Variants in ITGA8 observed in about 807,000 individuals in gnomAD.
The protein encoded by ITGA8 is integrin subunit alpha 8.
A neutral mutation model predicts 142.3 loss-of-function variants in ITGA8; 91 were observed. That is an observed-to-expected ratio of 0.64 (90% CI 0.54 to 0.76). The LOEUF is 0.76. Among genes scored for constraint, ITGA8 ranks in the 30% least tolerant of loss-of-function variants. ITGA8 has a pLI of 0.00. For missense variants in ITGA8, 1,406 were observed against 1,327.7 expected, an observed-to-expected ratio of 1.06 and a Z score of -0.92; for synonymous variants, 505 against 485.2, an observed-to-expected ratio of 1.04 and a Z score of -0.54.
intron 2 of ITGA8, among the ~76,000 whole-genome samples, chr10:15,709,518 A>ATGCTG: frequency 6.6e-6 from 1 of 152,368 alleles, no homozygotes; most frequent in African/African-American, 2.4e-5. Flanking sequence ...AATTCATGCT[A>ATGCTG]TGATGTTTGA....
intron 3 of ITGA8, 139 bp from the exon 4 acceptor site, chr10:15,684,266 G>T: frequency 1.3e-6 from 1 of 751,322 alleles, no homozygotes; most frequent in Non-Finnish European, 2.1e-6. Context: ...GAGTGCCTTG[G>T]TCATCAGAGG....
rs117175445 is a variant in ITGA8, at chr10:15,713,069, G to C, written c.343+5697C>G. On this transcript the variant is annotated intron_variant, in intron 2 of 29. Transcript: ENST00000378076. ...CTTCCTTTTTCTAATTGCTTCCTCA[G>C]TTGCTATGGGCTGTAGGGACCGCTG... Among the ~76,000 whole-genome samples the C allele has an allele frequency of 5.2e-3, 798 of 152,286 alleles. 3 individuals are homozygous for C. Among genetic ancestry groups the C allele is most frequent in the South Asian group, 7.7e-3 (37 of 4,822 alleles).
chr10:15,530,963 C>T (rs1213596303), intron 28 of ITGA8, 87 bp downstream of exon 28: 6 of 819,220 alleles, frequency 7.3e-6, no homozygotes, highest in African/African-American at 3.6e-5. Flanking sequence ...TCAATGTAAA[C>T]ACTAAAGCCT....
intron 23 of ITGA8, among the ~76,000 whole-genome samples, chr10:15,585,921 C>A (rs531316026): frequency 6.6e-6 from 1 of 152,078 alleles, no homozygotes; most frequent in South Asian, 2.1e-4. Flanking sequence ...AAAGTCATTA[C>A]GCTAAAATAA....
chr10:15,526,653 T>C lies in ITGA8; in HGVS notation c.2982+4397A>G, dbSNP rs1389673631. ...ATTTAGGGAGAACAATTCAATCTTG[T>C]GCCAGCTAGTCAATAAACTATTTTA... On this transcript the variant is annotated intron_variant, in intron 28 of 29. Transcript: ENST00000378076. 2.0e-5 allele frequency among the ~76,000 whole-genome samples: 3 copies of C among 152,342 alleles called. 1 individual carries two copies. The South Asian group carries it at 6.2e-4, about 32-fold the overall frequency.
intron 27 of ITGA8, among the ~76,000 whole-genome samples, chr10:15,541,397 C>A (rs528506558): frequency 3.3e-5 from 5 of 152,252 alleles, no homozygotes; most frequent in African/African-American, 9.6e-5. Flanking sequence ...TCCAGAGACC[C>A]CAGAGAAAGG....
intron 11 of ITGA8, among the ~76,000 whole-genome samples, chr10:15,652,950 G>A (rs1023209944): frequency 5.3e-5 from 8 of 152,302 alleles, no homozygotes; most frequent in Non-Finnish European, 1.2e-4. Flanking sequence ...GAATCCCCAT[G>A]GCTCACAGGA....
chr10:15,655,302 T>G, intron 11 of ITGA8, 52 bp downstream of exon 11: 1 of 1,165,792 alleles, frequency 8.6e-7, no homozygotes, highest in Non-Finnish European at 1.3e-6. Context: ...AAACATAACA[T>G]CTTTATGGAT....
At chr10:15,567,727 G>A (rs1231204022) in intron 25 of ITGA8, among the ~76,000 whole-genome samples, 1 of 152,144 alleles carries the variant, frequency 6.6e-6, no homozygotes, top group Admixed American at 6.5e-5. Flanking sequence ...GCTGACCTCA[G>A]TTGGGCCCTG....
intron 11 of ITGA8, among the ~76,000 whole-genome samples, chr10:15,650,853 G>A (rs978065133): frequency 3.3e-5 from 5 of 152,098 alleles, no homozygotes; most frequent in Non-Finnish European, 7.4e-5. Flanking sequence ...ATAGGCAAGA[G>A]CTAACATCAC....
At chr10:15,667,969 G>A (rs1834429168) in intron 8 of ITGA8, among the ~76,000 whole-genome samples, 1 of 152,104 alleles carries the variant, frequency 6.6e-6, no homozygotes, top group South Asian at 2.1e-4. Context: ...TAGGTGTGGT[G>A]TGGTGCTGAA....
At chr10:15,558,433 C>T (rs995513712) in intron 25 of ITGA8, among the ~76,000 whole-genome samples, 1 of 152,156 alleles carries the variant, frequency 6.6e-6, no homozygotes, top group Admixed American at 6.5e-5. Flanking sequence ...GGAATGCATT[C>T]CTGGGAAGTT....
intron 6 of ITGA8, among the ~76,000 whole-genome samples, chr10:15,675,574 C>A (rs936113347): frequency 6.6e-6 from 1 of 152,324 alleles, no homozygotes; most frequent in South Asian, 2.1e-4. Flanking sequence ...ATCCTTGTAA[C>A]AACCTTGTAA....
intron 27 of ITGA8, among the ~76,000 whole-genome samples, chr10:15,542,698 C>G (rs747257806): frequency 5.3e-4 from 80 of 152,194 alleles, no homozygotes; most frequent in Non-Finnish European, 9.4e-4. Context: ...GGTAAAAGCT[C>G]AAGATTCTCC....
At chr10:15,617,964 G>A (rs941697783) in intron 13 of ITGA8, among the ~76,000 whole-genome samples, 1 of 152,144 alleles carries the variant, frequency 6.6e-6, no homozygotes, top group African/African-American at 2.4e-5. Context: ...TATCCTAAGT[G>A]AACTCAGAAA....
intron 2 of ITGA8, among the ~76,000 whole-genome samples, chr10:15,696,982 C>G (rs113754739): frequency 1.5e-4 from 23 of 151,416 alleles, no homozygotes; most frequent in African/African-American, 5.3e-4. Flanking sequence ...GTACTCTAGT[C>G]TAAGTGACAG....
intron 25 of ITGA8, 127 bp from the exon 26 acceptor site, chr10:15,558,329 G>T: frequency 1.9e-6 from 2 of 1,033,872 alleles, no homozygotes; most frequent in East Asian, 2.6e-5. Flanking sequence ...ATCCAGACCT[G>T]TGATTACCAG....
intron 2 of ITGA8, among the ~76,000 whole-genome samples, chr10:15,689,091 CT>C (rs1564409848): frequency 6.6e-6 from 1 of 152,132 alleles, no homozygotes; most frequent in African/African-American, 2.4e-5. Flanking sequence ...ATAGAATGCC[CT>C]AAAGATTTCA....
At chr10:15,649,226 G>C (rs2131657450) in intron 11 of ITGA8, among the ~76,000 whole-genome samples, 1 of 151,834 alleles carries the variant, frequency 6.6e-6, no homozygotes, top group Middle Eastern at 3.4e-3. Context: ...TTAACCCCAT[G>C]AGGAAAAAAT....
Sources: allele counts gnomAD v4.1 joint callset (sites outside exome capture counted in the v4.1 genomes callset), GRCh38; gene constraint gnomAD v4.1.1; transcripts MANE v1.5; gene names NCBI Gene and HGNC (gene_info 2026-07-23, HGNC 2026-07-21).